Variants in DCX observed in about 807,000 individuals in gnomAD.
The protein encoded by DCX is doublecortin, also known as neuronal migration protein doublecortin.
In DCX, 4 loss-of-function variants were observed where a neutral mutation model predicts 20.9. That is an observed-to-expected ratio of 0.19 (90% CI 0.09 to 0.44). DCX has a LOEUF of 0.44. Among genes scored for constraint, DCX ranks in the 20% least tolerant of loss-of-function variants. The pLI is 0.99. For synonymous variants in DCX, 103 were observed against 111.4 expected (o/e 0.92, Z 0.47); for missense variants, 133 against 296.9 (o/e 0.45, Z 4.06).
rs1019531442 is a variant in DCX at position 111,316,297 on chromosome X, T to A, written c.947-3561A>T. On this transcript the variant is annotated intron_variant, in intron 5 of 6. Coordinates refer to ENST00000636035, the MANE Select transcript of DCX (RefSeq NM_001195553.2). ...ACCAGGCTGGAGTGCAGTGGCGCAA[T>A]CTCGGCTCACTGCAACCTCCACCTC... Among the ~76,000 whole-genome samples the A allele has an allele frequency of 6.3e-5, 7 of 110,493 alleles. 1 individual carries two copies. In the Admixed American group the frequency reaches 6.7e-4, roughly 11 times the overall value.
chrX:111,333,860 TC>T (rs1457353074), intron 3 of DCX, among the ~76,000 whole-genome samples: 1 of 111,546 alleles, frequency 9.0e-6, no homozygotes, highest in Non-Finnish European at 1.9e-5. Context: ...ACAGACAGTC[TC>T]CCCAACCCCC....
In DCX at chrX:111,307,934, T is replaced by C. The variant is rs1042385253; in HGVS notation, c.1044+4705A>G. Among the ~76,000 whole-genome samples, 91 of 111,681 alleles carry C rather than the reference T, an allele frequency of 8.1e-4. 6 individuals are homozygous for C. Among genetic ancestry groups the C allele is most frequent in the Non-Finnish European group, 2.3e-4 (12 of 53,141 alleles). On this transcript the variant is annotated intron_variant, in intron 6 of 6. Transcript: ENST00000636035. ...TAGAATCCTGAAGAGATTTCACTTG[T>C]AGCTGCTGTGAGACTCTGAATTAAT...
chrX:111,355,320 G>A (rs2147680564), intron 3 of DCX, among the ~76,000 whole-genome samples: 1 of 111,066 alleles, frequency 9.0e-6, no homozygotes, highest in South Asian at 3.9e-4. Flanking sequence ...GCACTGGTAA[G>A]TCCACAAAAA....
At chrX:111,331,508 C>T (rs1456830770) in intron 4 of DCX, among the ~76,000 whole-genome samples, 1 of 112,128 alleles carries the variant, frequency 8.9e-6, no homozygotes, top group Admixed American at 9.4e-5. Context: ...TTGATAGACA[C>T]ATGATGGATA....
chrX:111,305,429 A>C (rs1379428366), intron 6 of DCX, among the ~76,000 whole-genome samples: 2 of 111,377 alleles, frequency 1.8e-5, no homozygotes, highest in Admixed American at 9.6e-5. Context: ...TGCTGACAAG[A>C]GCAGCTAAAA....
intron 3 of DCX, among the ~76,000 whole-genome samples, chrX:111,387,524 C>G (rs1185731617): frequency 9.0e-6 from 1 of 111,701 alleles, no homozygotes; most frequent in Non-Finnish European, 1.9e-5. Context: ...CAACAGGAGA[C>G]AAGTCAAACA....
Position 111,410,020 on chromosome X carries a change from C to T in DCX, c.364+15G>A. ...CCACCTCCCACCAACGGCCACCACC[C>T]ACTATTTAAATTACCTTCCTCCAGT... On this transcript the variant is annotated intron_variant, in intron 2 of 6. Transcript: ENST00000636035. 2 of 1,211,530 alleles carry T rather than the reference C, an allele frequency of 1.7e-6. No homozygotes were observed. The highest frequency in any genetic ancestry group is 3.5e-5 in the South Asian group (2 of 56,954).
intron 6 of DCX, among the ~76,000 whole-genome samples, chrX:111,306,992 G>A (rs945743814): frequency 1.8e-5 from 2 of 110,849 alleles, no homozygotes; most frequent in Non-Finnish European, 3.8e-5. Flanking sequence ...TTGGTTGCCA[G>A]GGGTTGGATG....
chrX:111,307,759 C>T (rs2095048764), intron 6 of DCX, among the ~76,000 whole-genome samples: 1 of 111,927 alleles, frequency 8.9e-6, no homozygotes, highest in South Asian at 3.7e-4. Context: ...ATATGGAGGC[C>T]ACTTTGAGTC....
chrX:111,403,060 G>A (rs1403210174), intron 2 of DCX, among the ~76,000 whole-genome samples: 2 of 110,953 alleles, frequency 1.8e-5, no homozygotes, highest in Non-Finnish European at 3.8e-5. Context: ...AGTAATTATA[G>A]GCTGGGGTCT....
intron 5 of DCX, among the ~76,000 whole-genome samples, chrX:111,329,009 T>C (rs1425115787): frequency 8.9e-6 from 1 of 112,099 alleles, no homozygotes; most frequent in Admixed American, 9.5e-5. Flanking sequence ...AGGATACAAG[T>C]AATACAGGTT....
At position 111,404,571 on chromosome X, in the gene DCX, CT is replaced by C. The variant is rs764122842; in HGVS notation, c.365-3242del. On this transcript the variant is annotated intron_variant, in intron 2 of 6. Coordinates refer to ENST00000636035, the MANE Select transcript of DCX (RefSeq NM_001195553.2). Reference sequence around the variant, plus strand: ...AAGCTGTGTGACCTCAGGGAAATCACTTAATGTCTCTGAGTCTCAGCTTTGC... The same window carrying C: ...AAGCTGTGTGACCTCAGGGAAATCACTAATGTCTCTGAGTCTCAGCTTTGC... Among the ~76,000 whole-genome samples, 252 of 112,036 alleles carry C rather than the reference CT, an allele frequency of 2.2e-3. 1 individual carries two copies. Among genetic ancestry groups the C allele is most frequent in the African/African-American group, 7.3e-3 (225 of 30,850 alleles).
intron 5 of DCX, among the ~76,000 whole-genome samples, chrX:111,321,618 G>A (rs963554765): frequency 9.0e-6 from 1 of 111,437 alleles, no homozygotes; most frequent in African/African-American, 3.3e-5. Context: ...AAAGAACAAT[G>A]AGAGAGTCCA....
At chrX:111,338,409 C>A (rs1373391728) in intron 3 of DCX, among the ~76,000 whole-genome samples, 2 of 111,406 alleles carry the variant, frequency 1.8e-5, no homozygotes, top group Non-Finnish European at 3.8e-5. Context: ...GGAAATTTTG[C>A]AAAATGAGTT....
chrX:111,313,536 TA>T (rs1423245749), intron 5 of DCX, among the ~76,000 whole-genome samples: 1 of 111,923 alleles, frequency 8.9e-6, no homozygotes, highest in Non-Finnish European at 1.9e-5. Flanking sequence ...TAGAGACACA[TA>T]AAGATCCAAA....
intron 6 of DCX, 21 bp downstream of exon 6, chrX:111,312,618 A>G: frequency 8.4e-7 from 1 of 1,197,161 alleles, no homozygotes; most frequent in Non-Finnish European, 1.1e-6. Flanking sequence ...AAAGAGGTTT[A>G]GTAAGGTATA....
At chrX:111,350,641 G>A (rs1241406843) in intron 3 of DCX, among the ~76,000 whole-genome samples, 3 of 111,971 alleles carry the variant, frequency 2.7e-5, no homozygotes, top group African/African-American at 9.8e-5. Flanking sequence ...TATTCTGATA[G>A]TTCTTCAGCG....
In DCX at chrX:111,300,272, G is replaced by T. The variant is rs1206226937; in HGVS notation, c.*1415C>A. ...ATGATTACAGAAAAAAAAAAGCAGT[G>T]TTATAAACCTGTATCTCAAAAGACT... On this transcript the variant is annotated 3_prime_UTR_variant, in exon 7 of 7. Coordinates refer to ENST00000636035, the MANE Select transcript of DCX (RefSeq NM_001195553.2). 3 of 112,208 alleles carry T rather than the reference G, an allele frequency of 2.7e-5. No individual in the cohort carries two copies. The highest frequency in any genetic ancestry group is 5.6e-5 in the Non-Finnish European group (3 of 53,195). 9.2% of individuals were successfully genotyped at this position (112,208 alleles called of 1,213,427 possible).
chrX:111,367,514 C>T (rs1924716640), intron 3 of DCX, among the ~76,000 whole-genome samples: 1 of 111,794 alleles, frequency 8.9e-6, no homozygotes, highest in Non-Finnish European at 1.9e-5. Context: ...TGGCTAAATG[C>T]TGGACTACCT....
Sources: gnomAD v4.1 joint callset for allele counts (sites outside exome capture counted in the v4.1 genomes callset) on GRCh38, gnomAD v4.1.1 for gene constraint, MANE v1.5 for transcripts, NCBI Gene and HGNC (gene_info 2026-07-23, HGNC 2026-07-21) for gene names.